Variants in CNRIP1 observed in about 807,000 individuals in gnomAD.
The protein encoded by CNRIP1 is cannabinoid receptor interacting protein 1.
CNRIP1 carries 10 observed loss-of-function variants against 15.2 expected under a neutral mutation model. That is an observed-to-expected ratio of 0.66 (90% confidence interval 0.41 to 1.12). CNRIP1 has a LOEUF of 1.12. CNRIP1 is among the 50% of genes most tolerant of loss of function. The probability of loss-of-function intolerance (pLI) is 0.00; values close to 1 mark genes in which losing one functional copy is unlikely to be tolerated. For missense variants in CNRIP1, 211 were observed against 214.7 expected (o/e 0.98, Z 0.11); for synonymous variants, 91 against 83.2 (o/e 1.09, Z -0.51).
intron 2 of CNRIP1, among the ~76,000 whole-genome samples, chr2:68,306,975 T>C (rs1558666677): frequency 1.3e-5 from 2 of 152,198 alleles, no homozygotes; most frequent in Non-Finnish European, 2.9e-5. Flanking sequence ...CTTAGATGAT[T>C]TGCATGATTT....
At chr2:68,301,300 T>C (rs1385993269) in intron 2 of CNRIP1, among the ~76,000 whole-genome samples, 1 of 152,214 alleles carries the variant, frequency 6.6e-6, no homozygotes, top group Admixed American at 6.5e-5. Flanking sequence ...CATATAATTA[T>C]ATCCATAGTT....
chr2:68,298,643 A>G (rs1671478100), intron 2 of CNRIP1, among the ~76,000 whole-genome samples: 1 of 152,248 alleles, frequency 6.6e-6, no homozygotes, highest in Non-Finnish European at 1.5e-5. Flanking sequence ...AATTTGGTTT[A>G]TTAATGTGGG....
intron 2 of CNRIP1, among the ~76,000 whole-genome samples, chr2:68,301,860 C>A (rs563144319): frequency 1.5e-5 from 2 of 131,154 alleles, no homozygotes; most frequent in East Asian, 4.6e-4. Context: ...CCACTGCACT[C>A]CAGAGCCTGG....
At chr2:68,307,492 T>C (rs776491940) in intron 2 of CNRIP1, among the ~76,000 whole-genome samples, 4 of 152,158 alleles carry the variant, frequency 2.6e-5, no homozygotes, top group African/African-American at 9.7e-5. Context: ...TGGCTCATTT[T>C]TTATTTTTTA....
chr2:68,305,630 C>A (rs1001125059), intron 2 of CNRIP1, among the ~76,000 whole-genome samples: 1 of 151,208 alleles, frequency 6.6e-6, no homozygotes, highest in Non-Finnish European at 1.5e-5. Context: ...CCCGTCTCTA[C>A]TAAAAATACA....
chr2:68,296,987 G>C (rs1028717474), intron 2 of CNRIP1, among the ~76,000 whole-genome samples: 3 of 152,034 alleles, frequency 2.0e-5, no homozygotes, highest in Admixed American at 1.3e-4. Flanking sequence ...GGCTGGTCTT[G>C]AACTCCTGAC....
chr2:68,299,235 G>GTT (rs139043175), intron 2 of CNRIP1, among the ~76,000 whole-genome samples: 4 of 151,528 alleles, frequency 2.6e-5, no homozygotes, highest in Admixed American at 1.3e-4. Context: ...ATAGTGGACA[G>GTT]TTTTTTTTTC....
intron 2 of CNRIP1, among the ~76,000 whole-genome samples, chr2:68,305,259 A>T (rs74893690): frequency 0.15 from 14,889 of 100,016 alleles, 1,319 homozygotes; most frequent in African/African-American, 0.24. Context: ...AAAAAAAAAA[A>T]ATATATATAT....
intron 2 of CNRIP1, 61 bp from the exon 3 acceptor site, chr2:68,294,087 G>C: frequency 6.5e-7 from 1 of 1,533,960 alleles, no homozygotes; most frequent in Non-Finnish European, 8.9e-7. Context: ...ATAGATGAGA[G>C]CTAACATTAG....
At chr2:68,316,122 T>C (rs1194206103) in intron 2 of CNRIP1, 1 of 151,434 alleles carries the variant, frequency 6.6e-6, no homozygotes, top group East Asian at 1.9e-4. Context: ...TTAAAAAGTA[T>C]AATGGGGACT....
At chr2:68,318,004 G>T (rs1430337157) in intron 1 of CNRIP1, among the ~76,000 whole-genome samples, 2 of 148,774 alleles carry the variant, frequency 1.3e-5, no homozygotes, top group East Asian at 3.9e-4. Flanking sequence ...AACACTAGAG[G>T]AATACTCTAA....
exon 3 of CNRIP1, chr2:68,284,409 C>A: frequency 6.8e-7 from 1 of 1,466,856 alleles, no homozygotes; most frequent in Admixed American, 2.6e-5. Context: ...CTCATGATGG[C>A]ACACATTGAA....
intron 2 of CNRIP1, among the ~76,000 whole-genome samples, chr2:68,304,305 G>A (rs951600905): frequency 6.6e-6 from 1 of 151,626 alleles, no homozygotes; most frequent in Non-Finnish European, 1.5e-5. Flanking sequence ...GGAGGCTGAG[G>A]CAGGGAGAAT....
downstream of CNRIP1, among the ~76,000 whole-genome samples, chr2:68,288,185 AAGCAGAAGTT>A (rs1321033216): frequency 6.6e-6 from 1 of 152,214 alleles, no homozygotes; most frequent in East Asian, 1.9e-4. Context: ...ATCTTAAGAA[AAGCAGAAGTT>A]AGGTTGAGGG....
chr2:68,303,068 C>T (rs550430053), intron 2 of CNRIP1, among the ~76,000 whole-genome samples: 17 of 150,406 alleles, frequency 1.1e-4, no homozygotes, highest in Non-Finnish European at 1.6e-4. Flanking sequence ...AGGATGGTCT[C>T]GATCTCCTGA....
intron 2 of CNRIP1, among the ~76,000 whole-genome samples, chr2:68,296,928 C>T (rs1671386511): frequency 6.6e-6 from 1 of 152,034 alleles, no homozygotes; most frequent in Non-Finnish European, 1.5e-5. Flanking sequence ...CCACACCCGG[C>T]CCAACTTCTA....
chr2:68,303,066 C>G (rs1233892086), intron 2 of CNRIP1, among the ~76,000 whole-genome samples: 2 of 150,820 alleles, frequency 1.3e-5, no homozygotes, highest in African/African-American at 4.9e-5. Flanking sequence ...CCAGGATGGT[C>G]TCGATCTCCT....
At chr2:68,311,340 A>G (rs1254247003) in intron 2 of CNRIP1, among the ~76,000 whole-genome samples, 1 of 152,144 alleles carries the variant, frequency 6.6e-6, no homozygotes, top group Non-Finnish European at 1.5e-5. Flanking sequence ...GGGAATAAAT[A>G]TAGGATTAGA....
intron 2 of CNRIP1, among the ~76,000 whole-genome samples, chr2:68,298,242 T>C (rs1164124098): frequency 3.9e-5 from 6 of 152,158 alleles, no homozygotes; most frequent in African/African-American, 9.6e-5. Context: ...TAAGTGCAAC[T>C]GAATTTTACA....
Sources: gnomAD v4.1 joint callset for allele counts (sites outside exome capture counted in the v4.1 genomes callset) on GRCh38, gnomAD v4.1.1 for gene constraint, MANE v1.5 for transcripts, NCBI Gene and HGNC (gene_info 2026-07-23, HGNC 2026-07-21) for gene names.